The following SKAP2 variants were observed in gnomAD, a reference collection of about 807,000 sequenced individuals.
The protein encoded by SKAP2 is src kinase-associated phosphoprotein 2.
In SKAP2, 28 loss-of-function variants were observed where a neutral mutation model predicts 54.9. That is an observed-to-expected ratio of 0.51 (90% CI 0.38 to 0.70). The LOEUF is 0.70. Ranked by LOEUF, SKAP2 falls within the 30% of genes least tolerant of loss-of-function variation. SKAP2 has a pLI of 0.00. For missense variants in SKAP2, 356 were observed against 424.1 expected (o/e 0.84, Z 1.41); for synonymous variants, 137 against 134.3 (o/e 1.02, Z -0.14).
At chr7:26,718,992 A>G (rs1787520735) in intron 9 of SKAP2, among the ~76,000 whole-genome samples, 1 of 152,100 alleles carries the variant, frequency 6.6e-6, no homozygotes, top group Admixed American at 6.5e-5. Flanking sequence ...CAGCCTGGTC[A>G]GCATAGTAAG....
At chr7:26,678,298 A>G (rs1031122638) in intron 11 of SKAP2, among the ~76,000 whole-genome samples, 1 of 152,206 alleles carries the variant, frequency 6.6e-6, no homozygotes, top group Non-Finnish European at 1.5e-5. Context: ...ACAAAAAAAC[A>G]GAGTACTTTG....
chr7:26,838,967 C>A, intron 4 of SKAP2, among the ~76,000 whole-genome samples: 1 of 152,182 alleles, frequency 6.6e-6, no homozygotes, highest in South Asian at 2.1e-4. Context: ...GTATCTTGTT[C>A]TCCTCTTCAT....
rs751694002 is a variant in SKAP2 at position 26,725,999 on chromosome 7, A to T, written c.595-13T>A. 6.3e-7 allele frequency: 1 copy of T among 1,578,760 alleles called. No individual in the cohort carries two copies. The highest frequency in any genetic ancestry group is 8.7e-7 in the Non-Finnish European group (1 of 1,150,754). On this transcript the variant is annotated splice_polypyrimidine_tract_variant and intron_variant, in intron 7 of 12. Transcript: ENST00000345317. ...AAGCTGCTGTAAACTAATATAAAAC[A>T]AACAGTAAGAACGAAAATCACCATA...
At chr7:26,739,789 T>G (rs1782390366) in intron 5 of SKAP2, 98 bp downstream of exon 5, 2 of 785,874 alleles carry the variant, frequency 2.5e-6, no homozygotes, top group Non-Finnish European at 4.1e-6. Flanking sequence ...AACTCTTTAA[T>G]CACCTAAAAC....
rs1411246490 is a variant in SKAP2, at chr7:26,708,381, G to T, written c.796+17047C>A. ...TTATTATTGTAGGGGCAAAAAAAAT[G>T]GGTTTAAATGTTGAAGGGATTTGGG... On this transcript the variant is annotated intron_variant, in intron 9 of 12. Transcript: ENST00000345317. Among the ~76,000 whole-genome samples the T allele has an allele frequency of 2.0e-5, 3 of 152,124 alleles. No homozygotes were observed. The East Asian group carries it at 5.8e-4, about 29-fold the overall frequency.
intron 9 of SKAP2, among the ~76,000 whole-genome samples, chr7:26,710,966 CTG>C (rs1003435964): frequency 1.3e-5 from 2 of 152,092 alleles, no homozygotes; most frequent in African/African-American, 4.8e-5. Context: ...TGATACTATA[CTG>C]TGTTTATTAA....
chr7:26,766,072 T>C (rs1362356502), intron 4 of SKAP2, among the ~76,000 whole-genome samples: 4 of 152,050 alleles, frequency 2.6e-5, no homozygotes, highest in South Asian at 2.1e-4. Flanking sequence ...AGTATGACAA[T>C]TTTCACTATA....
At chr7:26,855,865 G>T (rs1785151648) in intron 1 of SKAP2, among the ~76,000 whole-genome samples, 1 of 151,940 alleles carries the variant, frequency 6.6e-6, no homozygotes, top group Non-Finnish European at 1.5e-5. Flanking sequence ...GTTTAAGTAG[G>T]CATGGCTATA....
chr7:26,810,558 G>A (rs558457085), intron 4 of SKAP2, among the ~76,000 whole-genome samples: 15 of 152,166 alleles, frequency 9.9e-5, no homozygotes, highest in Admixed American at 4.6e-4. Flanking sequence ...GATTTCAAAG[G>A]TTCTCACCAC....
At chr7:26,782,752 G>A (rs1339776999) in intron 4 of SKAP2, among the ~76,000 whole-genome samples, 1 of 152,180 alleles carries the variant, frequency 6.6e-6, no homozygotes, top group African/African-American at 2.4e-5. Flanking sequence ...GAATCACTGC[G>A]AATGGGATTA....
At chr7:26,680,064 C>A (rs1398043883) in intron 11 of SKAP2, among the ~76,000 whole-genome samples, 1 of 152,186 alleles carries the variant, frequency 6.6e-6, no homozygotes, top group Middle Eastern at 3.2e-3. Flanking sequence ...TCTTAACTCT[C>A]ATTTTTCTTT....
chr7:26,701,746 TAAATAAATAA>T (rs768216683), intron 9 of SKAP2, among the ~76,000 whole-genome samples: 2 of 147,546 alleles, frequency 1.4e-5, no homozygotes, highest in African/African-American at 5.2e-5. Flanking sequence ...AATAAATAAA[TAAATAAATAA>T]ACAAATAAAT....
chr7:26,717,791 C>T (rs118127605), intron 9 of SKAP2, among the ~76,000 whole-genome samples: 8,095 of 150,458 alleles, frequency 0.054, 287 homozygotes, highest in Non-Finnish European at 0.082. Context: ...GAGATCATGC[C>T]GCTGCACTCC....
At chr7:26,756,073 A>G (rs1782785018) in intron 4 of SKAP2, among the ~76,000 whole-genome samples, 1 of 152,230 alleles carries the variant, frequency 6.6e-6, no homozygotes, top group Non-Finnish European at 1.5e-5. Context: ...ATCTGTGTGT[A>G]TTAATATGGA....
At chr7:26,815,171 G>A (rs1328340225) in intron 4 of SKAP2, among the ~76,000 whole-genome samples, 2 of 151,782 alleles carry the variant, frequency 1.3e-5, no homozygotes, top group South Asian at 4.2e-4. Context: ...CACTAATAGG[G>A]ACTTCTAAAC....
At chr7:26,700,434 A>G (rs564035488) in intron 9 of SKAP2, among the ~76,000 whole-genome samples, 16 of 152,346 alleles carry the variant, frequency 1.1e-4, no homozygotes, top group Middle Eastern at 3.4e-3. Flanking sequence ...GAAAAGGGAT[A>G]CCAGATACGC....
At chr7:26,760,483 C>T (rs1044920821) in intron 4 of SKAP2, among the ~76,000 whole-genome samples, 60 of 152,218 alleles carry the variant, frequency 3.9e-4, no homozygotes, top group African/African-American at 1.3e-3. Flanking sequence ...CCGAATCCTA[C>T]ATATACTATG....
intron 6 of SKAP2, among the ~76,000 whole-genome samples, chr7:26,730,080 C>T (rs2127957599): frequency 6.6e-6 from 1 of 152,250 alleles, no homozygotes; most frequent in East Asian, 1.9e-4. Context: ...ATGAAGTAGC[C>T]ATATCTCCAA....
chr7:26,715,342 G>C (rs749666225), intron 9 of SKAP2, among the ~76,000 whole-genome samples: 1 of 151,694 alleles, frequency 6.6e-6, no homozygotes, highest in Non-Finnish European at 1.5e-5. Context: ...AAAAAAATCT[G>C]ATCTTTTTTT....
Sources: gnomAD v4.1 joint callset for allele counts (sites outside exome capture counted in the v4.1 genomes callset) on GRCh38, gnomAD v4.1.1 for gene constraint, MANE v1.5 for transcripts, NCBI Gene and HGNC (gene_info 2026-07-23, HGNC 2026-07-21) for gene names.